Variants in TMC2 observed in about 807,000 individuals in gnomAD.
TMC2 encodes transmembrane channel-like protein 2.
A neutral mutation model predicts 105.9 loss-of-function variants in TMC2; 102 were observed. The ratio of observed to expected loss-of-function variants is 0.96; its 90% confidence interval spans 0.82 to 1.14. TMC2 has a LOEUF of 1.14. TMC2 is among the 50% of genes most tolerant of loss of function. The pLI is 0.00. For synonymous variants in TMC2, 402 were observed against 422.8 expected (o/e 0.95, Z 0.60); for missense variants, 1,093 against 1,134.3 (o/e 0.96, Z 0.52).
At chr20:2,602,439 A>AG (rs2086359008) in intron 11 of TMC2, 138 bp downstream of exon 11, 3 of 625,008 alleles carry the variant, frequency 4.8e-6, no homozygotes. Context: ...CCTTCCAGTC[A>AG]AATAGCATGA....
Position 2,637,520 on chromosome 20 carries a change from C to T in TMC2, c.2432C>T (p.Thr811Ile), listed in dbSNP as rs1443855480. 6.2e-7 allele frequency: 1 copy of T among 1,614,030 alleles called. No homozygotes were observed. Among genetic ancestry groups the T allele is most frequent in the South Asian group, 1.1e-5 (1 of 91,086 alleles). Residue 811 changes from threonine to isoleucine, a missense_variant, in exon 19 of 20, where the codon ACA becomes ATA. Thr to Ile is a moderately conservative substitution (Grantham distance 89). Coordinates refer to ENST00000358864, the MANE Select transcript of TMC2 (RefSeq NM_080751.3). ...KSHKSVKGKA[T>I]ARDSEDTPKS... ...CACAAATCTGTAAAAGGCAAAGCCA[C>T]AGCCAGAGATTCAGAGGACACACCT...
At chr20:2,631,069 C>T (rs6076370) in intron 17 of TMC2, among the ~76,000 whole-genome samples, 114,771 of 152,066 alleles carry the variant, frequency 0.75, 43,453 homozygotes, top group East Asian at 0.87. Flanking sequence ...TTAGTTCCCA[C>T]GTCATTTCTC....
At chr20:2,573,591 C>T (rs539890780) in intron 5 of TMC2, among the ~76,000 whole-genome samples, 1 of 126,888 alleles carries the variant, frequency 7.9e-6, no homozygotes, top group Non-Finnish European at 1.6e-5. Flanking sequence ...GACGGAGTCT[C>T]ACTCTGTTGC....
At chr20:2,551,303 ATTGT>A (rs1454600256) in intron 2 of TMC2, among the ~76,000 whole-genome samples, 15 of 150,558 alleles carry the variant, frequency 1.0e-4, no homozygotes, top group Admixed American at 6.6e-5. Context: ...CCATTTTTTA[ATTGT>A]TTGTTTTCTT....
chr20:2,639,950 G>T (rs1048976958), intron 19 of TMC2, among the ~76,000 whole-genome samples: 2 of 152,182 alleles, frequency 1.3e-5, no homozygotes, highest in Admixed American at 6.5e-5. Context: ...AGAAGTGAAT[G>T]AGATGCATAA....
At chr20:2,544,569 A>C (rs1041323350) in intron 2 of TMC2, among the ~76,000 whole-genome samples, 2 of 152,192 alleles carry the variant, frequency 1.3e-5, no homozygotes, top group Non-Finnish European at 2.9e-5. Flanking sequence ...GCATTCTTCC[A>C]CTAAAACAGC....
chr20:2,544,465 A>G (rs1568500394), intron 2 of TMC2, among the ~76,000 whole-genome samples: 1 of 152,196 alleles, frequency 6.6e-6, no homozygotes, highest in African/African-American at 2.4e-5. Context: ...GAGGTTACTC[A>G]TCAAATTACC....
At chr20:2,549,333 G>T (rs2085943021) in intron 2 of TMC2, among the ~76,000 whole-genome samples, 1 of 152,130 alleles carries the variant, frequency 6.6e-6, no homozygotes, top group Admixed American at 6.5e-5. Context: ...TGGGATTATA[G>T]GCACGAGCCA....
intron 5 of TMC2, among the ~76,000 whole-genome samples, chr20:2,574,856 G>A (rs1229468152): frequency 6.6e-6 from 1 of 151,972 alleles, no homozygotes; most frequent in African/African-American, 2.4e-5. Flanking sequence ...CTCCCAAGTA[G>A]CTGGGATTAT....
chr20:2,542,311 T>G (rs1044512145), intron 2 of TMC2, among the ~76,000 whole-genome samples: 4 of 152,146 alleles, frequency 2.6e-5, no homozygotes, highest in Non-Finnish European at 5.9e-5. Flanking sequence ...AAAAGCGTTT[T>G]GGGGCTTCTG....
chr20:2,641,088 T>A (rs1346855562), intron 19 of TMC2, 46 bp from the exon 20 acceptor site: 2 of 1,567,580 alleles, frequency 1.3e-6, no homozygotes, highest in Non-Finnish European at 8.8e-7. Context: ...ATCCAACCTG[T>A]ACAAAATCTC....
chr20:2,558,223 C>A lies in TMC2; in HGVS notation c.83-233C>A. 1 of 997,474 alleles carries A rather than the reference C, an allele frequency of 1.0e-6. No individual in the cohort carries two copies. The allele number at this position is 997,474 out of a possible 1,614,324, so 61.8% of individuals were successfully genotyped here. The stretch of plus-strand genomic sequence containing the variant: ...TGTCACAGGAGGTCTTCAAGGGAGA[C>A]GGGAGGGAGAAGGCCAGAGAGTGAC... On this transcript the variant is annotated intron_variant, in intron 2 of 19. Transcript: ENST00000358864. This position sits in a 1 kb window ranked among gnomAD's most constrained non-coding sequence, Gnocchi z 4.6.
At chr20:2,571,449 C>G (rs2086101962) in intron 4 of TMC2, among the ~76,000 whole-genome samples, 1 of 152,108 alleles carries the variant, frequency 6.6e-6, no homozygotes, top group Non-Finnish European at 1.5e-5. Context: ...ACCACAATGA[C>G]ACACCATCTT....
At chr20:2,639,165 G>A (rs1484184614) in intron 19 of TMC2, among the ~76,000 whole-genome samples, 1 of 152,202 alleles carries the variant, frequency 6.6e-6, no homozygotes, top group African/African-American at 2.4e-5. Flanking sequence ...AAAGTGCTGG[G>A]ATGACAGGCC....
At chr20:2,563,711 C>A (rs1221110241) in intron 4 of TMC2, among the ~76,000 whole-genome samples, 1 of 152,106 alleles carries the variant, frequency 6.6e-6, no homozygotes, top group Non-Finnish European at 1.5e-5. Context: ...ATCAAAACAG[C>A]ATGTACACCA....
Position 2,570,927 on chromosome 20 carries a change from T to C in TMC2, c.555-1252T>C, listed in dbSNP as rs576326620. Reference sequence around the variant, plus strand: ...GGACTCCCTATTCAATAAATGGTGCTGGGATAACTGGCTAGACATATGCAG... The same window carrying C: ...GGACTCCCTATTCAATAAATGGTGCCGGGATAACTGGCTAGACATATGCAG... On this transcript the variant is annotated intron_variant, in intron 4 of 19. Transcript: ENST00000358864. 1.2e-4 allele frequency among the ~76,000 whole-genome samples: 18 copies of C among 152,270 alleles called. No homozygotes were observed. In the East Asian group the frequency reaches 3.3e-3, roughly 28 times the overall value.
At chr20:2,539,990 CTTTT>C (rs57860432) in intron 2 of TMC2, among the ~76,000 whole-genome samples, 8 of 115,092 alleles carry the variant, frequency 7.0e-5, no homozygotes, top group African/African-American at 1.0e-4. Context: ...CTTTTCTTTT[CTTTT>C]TTTTTTTTTT....
At chr20:2,631,709 T>TTTG (rs1245726370) in intron 17 of TMC2, among the ~76,000 whole-genome samples, 1 of 151,938 alleles carries the variant, frequency 6.6e-6, no homozygotes, top group Non-Finnish European at 1.5e-5. Flanking sequence ...ATGGCTGTTT[T>TTTG]TTTTTTCAAT....
chr20:2,613,235 C>T lies in TMC2; in HGVS notation c.1785C>T (p.Tyr595=), dbSNP rs2086455103. The change falls in exon 14 of 20, where the codon TAC becomes TAT. Residue 595 remains tyrosine (Y), a synonymous_variant. Coordinates refer to ENST00000358864, the MANE Select transcript of TMC2 (RefSeq NM_080751.3). Reference sequence around the variant, plus strand: ...CGGTGTCTGACATGCTGGTAACGTACATCACCATCCTGCTGGGGGACTTCC... The same window carrying T: ...CGGTGTCTGACATGCTGGTAACGTATATCACCATCCTGCTGGGGGACTTCC... ...RLTVSDMLVT[Y]ITILLGDFLR... 1 of 1,613,950 alleles carries T rather than the reference C, an allele frequency of 6.2e-7. No homozygotes were observed. The highest frequency in any genetic ancestry group is 1.7e-5 in the Admixed American group (1 of 59,990).
Sources: allele counts gnomAD v4.1 joint callset (sites outside exome capture counted in the v4.1 genomes callset), GRCh38; gene constraint gnomAD v4.1.1; non-coding constraint Gnocchi (gnomAD v3.1); transcripts MANE v1.5; gene names NCBI Gene and HGNC (gene_info 2026-07-23, HGNC 2026-07-21).